Variants in INPPL1 observed in about 807,000 individuals in gnomAD.
INPPL1 encodes inositol polyphosphate phosphatase like 1.
Under a neutral mutation model 139.3 loss-of-function variants are expected in INPPL1, and 91 were observed. The observed-to-expected ratio is 0.65, with a 90% CI of 0.55 to 0.78. The LOEUF is 0.78. Ranked by LOEUF, INPPL1 falls within the 30% of genes least tolerant of loss-of-function variation. INPPL1 has a pLI of 0.00. For synonymous variants in INPPL1, 719 were observed against 686.6 expected, an observed-to-expected ratio of 1.05 and a Z score of -0.74; for missense variants, 1,411 against 1,665.6, an observed-to-expected ratio of 0.85 and a Z score of 2.66.
Position 72,228,146 on chromosome 11 carries a change from C to A in INPPL1, c.183-44C>A, listed in dbSNP as rs1266249857. ...AGGAAGGGGTGCTTTGGGTCTTAGA[C>A]CCCAGCCTGGGGGTGACAGATTCTG... On this transcript the variant is annotated intron_variant, in intron 1 of 27. Coordinates refer to ENST00000298229, the MANE Select transcript of INPPL1 (RefSeq NM_001567.4). This position sits in a 1 kb window ranked among gnomAD's most constrained non-coding sequence, Gnocchi z 5.0. 1 of 1,610,490 alleles carries A rather than the reference C, an allele frequency of 6.2e-7. No individual in the cohort carries two copies. The highest frequency in any genetic ancestry group is 1.3e-5 in the African/African-American group (1 of 74,820).
At position 72,238,554 on chromosome 11, in the gene INPPL1, T is replaced by G; in HGVS notation, c.*201T>G. On this transcript the variant is annotated 3_prime_UTR_variant, in exon 28 of 28. Coordinates refer to ENST00000298229, the MANE Select transcript of INPPL1 (RefSeq NM_001567.4). The stretch of plus-strand genomic sequence containing the variant: ...AATTAGGGCATCCTGCCCCTCGCCT[T>G]TTAGGCTCAGGACGGAAGGTCAGTT... 1 of 462,060 alleles carries G rather than the reference T, an allele frequency of 2.2e-6. No homozygotes were observed. The highest frequency in any genetic ancestry group is 3.6e-5 in the East Asian group (1 of 27,554). The allele number at this position is 462,060 out of a possible 1,614,324, so 28.6% of individuals were successfully genotyped here.
Position 72,235,811 on chromosome 11 carries a change from C to T in INPPL1, c.2739-35C>T. On this transcript the variant is annotated intron_variant, in intron 24 of 27. Coordinates refer to ENST00000298229, the MANE Select transcript of INPPL1 (RefSeq NM_001567.4). The surrounding 1 kb of genome is among the most constrained non-coding windows in gnomAD (Gnocchi z 4.9). ...AGGGTACCTGGGGGCATCTGGTCAA[C>T]CCCACTTCATCTCTCTCCTGTGCAT... 6.2e-7 allele frequency: 1 copy of T among 1,613,152 alleles called. No homozygotes were observed. Among genetic ancestry groups the T allele is most frequent in the Non-Finnish European group, 8.5e-7 (1 of 1,179,556 alleles).
rs1056949011 is a variant in INPPL1 at position 72,231,329 on chromosome 11, G to A, written c.1497+140G>A. ...CCTGAGCATATCCTTTGGGAGATCTGACCTGAGTCCTTCATGCCACGAGAG... is the reference window on the plus strand; with the variant it reads ...CCTGAGCATATCCTTTGGGAGATCTAACCTGAGTCCTTCATGCCACGAGAG... On this transcript the variant is annotated intron_variant, in intron 12 of 27. Transcript: ENST00000298229. 3.1e-6 allele frequency: 3 copies of A among 979,552 alleles called. No homozygotes were observed. In the African/African-American group the frequency reaches 4.8e-5, roughly 16 times the overall value. 60.7% of individuals were successfully genotyped at this position (979,552 alleles called of 1,614,324 possible).
In INPPL1 at chr11:72,229,455, T is replaced by A; in HGVS notation, c.660-10T>A. 1 of 1,613,456 alleles carries A rather than the reference T, an allele frequency of 6.2e-7. No individual in the cohort carries two copies. ...GGGTGGGAGTTCTTTTGATCTGATGTCTTCCCTAGTGAGGTGGACAAGGTC... is the reference window on the plus strand; with the variant it reads ...GGGTGGGAGTTCTTTTGATCTGATGACTTCCCTAGTGAGGTGGACAAGGTC... On this transcript the variant is annotated splice_polypyrimidine_tract_variant and intron_variant, in intron 5 of 27. Transcript: ENST00000298229.
Position 72,229,217 on chromosome 11 carries a change from C to A in INPPL1, c.646C>A (p.Arg216=). The A allele has an allele frequency of 6.2e-7, 1 of 1,609,860 alleles. No individual in the cohort carries two copies. The highest frequency in any genetic ancestry group is 8.5e-7 in the Non-Finnish European group (1 of 1,177,718). ...HLTRTLATSC[R]RLHSEVDKVL... ...CACCCGTACCCTCGCTACCTCATGC[C>A]GGAGGCTGCACAGGTATCTGGGACA... Residue 216 remains arginine (R), a synonymous_variant, in exon 5 of 28, where the codon CGG becomes AGG. Transcript: ENST00000298229.
Position 72,237,320 on chromosome 11 carries a change from C to A in INPPL1, c.3076C>A (p.Leu1026Ile). The change falls in exon 26 of 28, where the codon CTT (leucine) becomes ATT (isoleucine). Residue 1026 changes from leucine to isoleucine, a missense_variant. Coordinates refer to ENST00000298229, the MANE Select transcript of INPPL1 (RefSeq NM_001567.4). ...KVAITVPAPQ[L>I]GHHRHPRVGE... Reference sequence around the variant, plus strand: ...GGCCATTACAGTGCCTGCTCCACAGCTTGGGCACCACCGGCACCCTCGTGT... The same window carrying A: ...GGCCATTACAGTGCCTGCTCCACAGATTGGGCACCACCGGCACCCTCGTGT... The A allele has an allele frequency of 1.9e-6, 3 of 1,614,010 alleles. No individual in the cohort carries two copies. The highest frequency in any genetic ancestry group is 1.7e-6 in the Non-Finnish European group (2 of 1,180,010).
rs373971775 is a variant in INPPL1 at position 72,228,463 on chromosome 11, G to C, written c.362G>C (p.Arg121Pro). 30 of 1,610,232 alleles carry C rather than the reference G, an allele frequency of 1.9e-5. No individual in the cohort carries two copies. The highest frequency in any genetic ancestry group is 2.2e-5 in the Non-Finnish European group (26 of 1,179,986). ...CALLLPVEGE[R>P]EPDPPDDRDA... is the part of the protein sequence containing the mutation. Reference sequence around the variant, plus strand: ...CTGCTTCTTCCTGTAGAGGGTGAGCGAGAGCCGGACCCACCGGATGACCGG... The same window carrying C: ...CTGCTTCTTCCTGTAGAGGGTGAGCCAGAGCCGGACCCACCGGATGACCGG... Residue 121 changes from arginine to proline, a missense_variant, in exon 3 of 28, where the codon CGA (arginine) becomes CCA (proline). Physicochemically the swap from Arg to Pro is moderately radical, Grantham distance 103. Around this residue, in one of 5 missense-constraint regions of INPPL1, gnomAD observed 504 missense variants for 595.6 expected, o/e 0.85. Coordinates refer to ENST00000298229, the MANE Select transcript of INPPL1 (RefSeq NM_001567.4). This position sits in a 1 kb window ranked among gnomAD's most constrained non-coding sequence, Gnocchi z 5.0.
chr11:72,228,220 T>G lies in INPPL1; in HGVS notation c.213T>G (p.Ile71Met). ...AGAAGCATGTGCACACGTATCGCAT[T>G]CTGCCTGATGGAGAAGATTTCTTGG... ...LYQKHVHTYR[I>M]LPDGEDFLAV... Residue 71 changes from isoleucine to methionine, a missense_variant, in exon 2 of 28, where the codon ATT (isoleucine) becomes ATG (methionine). By Grantham distance (10) the Ile-to-Met change is conservative. Around this residue, in one of 5 missense-constraint regions of INPPL1, gnomAD observed 504 missense variants for 595.6 expected, o/e 0.85. Coordinates refer to ENST00000298229, the MANE Select transcript of INPPL1 (RefSeq NM_001567.4). The surrounding 1 kb of genome is among the most constrained non-coding windows in gnomAD (Gnocchi z 5.0). 6.2e-7 allele frequency: 1 copy of G among 1,614,124 alleles called. No individual in the cohort carries two copies. Among genetic ancestry groups the G allele is most frequent in the Non-Finnish European group, 8.5e-7 (1 of 1,179,982 alleles).
intron 10 of INPPL1, 43 bp downstream of exon 10, chr11:72,230,511 C>A: frequency 6.4e-7 from 1 of 1,565,310 alleles, no homozygotes; most frequent in South Asian, 1.1e-5. Context: ...CTGCGGGGGT[C>A]CCCCACATGG....
chr11:72,225,383 T>G (rs186598900), intron 1 of INPPL1: 6 of 985,244 alleles, frequency 6.1e-6, no homozygotes, highest in Non-Finnish European at 7.2e-6. Context: ...GCCTTGAGGG[T>G]AGAGAATATG....
At chr11:72,231,978 C>T (rs1948847154) in intron 13 of INPPL1, among the ~76,000 whole-genome samples, 1 of 152,198 alleles carries the variant, frequency 6.6e-6, no homozygotes, top group South Asian at 2.1e-4. Context: ...CTTTCAGCTT[C>T]ACCCTTGGGG....
In INPPL1 at chr11:72,238,297, G is replaced by A; in HGVS notation, c.3721G>A (p.Val1241Met). 3.1e-6 allele frequency: 5 copies of A among 1,603,684 alleles called. No homozygotes were observed. Among genetic ancestry groups the A allele is most frequent in the Non-Finnish European group, 4.3e-6 (5 of 1,175,746 alleles). The stretch of plus-strand genomic sequence containing the variant: ...CGAGGAGGACTTGGAGGAGGCTGGG[G>A]TGCAGGACCCGGCTCACAAGCGCCT... Reference protein sequence around the residue: ...ITEEDLEEAGVQDPAHKRLLL... With the variant: ...ITEEDLEEAGMQDPAHKRLLL... The change falls in exon 28 of 28, where the codon GTG (valine) becomes ATG (methionine). Residue 1241 changes from valine (V) to methionine (M), a missense_variant. Physicochemically the swap from Val to Met is conservative, Grantham distance 21. This residue lies in a region of INPPL1 where 438 missense variants were observed against 425.7 expected (regional missense o/e 1.03). Coordinates refer to ENST00000298229, the MANE Select transcript of INPPL1 (RefSeq NM_001567.4).
Position 72,228,517 on chromosome 11 carries a change from G to C in INPPL1, c.397+19G>C. On this transcript the variant is annotated intron_variant, in intron 3 of 27. Coordinates refer to ENST00000298229, the MANE Select transcript of INPPL1 (RefSeq NM_001567.4). The surrounding 1 kb of genome is among the most constrained non-coding windows in gnomAD (Gnocchi z 5.0). ...GCCTCAGGTACTTCCCAGTGTGCAG[G>C]TCCCCTCCCTGCCCCTGTCCCTTGG... 6.2e-7 allele frequency: 1 copy of C among 1,602,276 alleles called. No individual in the cohort carries two copies. The highest frequency in any genetic ancestry group is 8.5e-7 in the Non-Finnish European group (1 of 1,179,540).
intron 19 of INPPL1, 92 bp downstream of exon 19, chr11:72,233,836 G>C: frequency 1.1e-6 from 1 of 918,048 alleles, no homozygotes; most frequent in Non-Finnish European, 1.8e-6. Context: ...CTATGTAAGT[G>C]TGTGTGTGGG....
chr11:72,235,932 G>A lies in INPPL1; in HGVS notation c.2825G>A (p.Gly942Glu). The A allele has an allele frequency of 6.2e-7, 1 of 1,612,666 alleles. No individual in the cohort carries two copies. Among genetic ancestry groups the A allele is most frequent in the Non-Finnish European group, 8.5e-7 (1 of 1,179,630 alleles). The change falls in exon 25 of 28, where the codon GGG (glycine) becomes GAG (glutamate). Residue 942 changes from glycine (G) to glutamate (E), a missense_variant. Transcript: ENST00000298229. This position sits in a 1 kb window ranked among gnomAD's most constrained non-coding sequence, Gnocchi z 4.9. ...GAACCAGAGAAACCGCCACCAACGGGGAGGCCCCCAGCCCCACCCCGAGCA... is the reference window on the plus strand; with the variant it reads ...GAACCAGAGAAACCGCCACCAACGGAGAGGCCCCCAGCCCCACCCCGAGCA... ...FEEPEKPPPT[G>E]RPPAPPRAAP...
In INPPL1 at chr11:72,228,323, T is replaced by G. The variant is rs1948731061; in HGVS notation, c.247-25T>G. On this transcript the variant is annotated intron_variant, in intron 2 of 27. Coordinates refer to ENST00000298229, the MANE Select transcript of INPPL1 (RefSeq NM_001567.4). The surrounding 1 kb of genome is among the most constrained non-coding windows in gnomAD (Gnocchi z 5.0). ...GCTTGGGGACCTGCTGGCTGACCCT[T>G]CCTCCCACCCTTGCTGGCCCACAGA... The G allele has an allele frequency of 1.2e-6, 2 of 1,613,806 alleles. No individual in the cohort carries two copies. Among genetic ancestry groups the G allele is most frequent in the African/African-American group, 2.7e-5 (2 of 74,896 alleles).
chr11:72,235,023 G>A lies in INPPL1; in HGVS notation c.2416-93G>A, dbSNP rs1203118032. 6.1e-6 allele frequency: 6 copies of A among 975,830 alleles called. No individual in the cohort carries two copies. In the African/African-American group the frequency reaches 6.5e-5, roughly 11 times the overall value. 60.4% of individuals were successfully genotyped at this position (975,830 alleles called of 1,614,324 possible). ...TGTGAGTGAGCACAGATGACCTGAG[G>A]GTGGGGATTGAGTGGTGTCAGGGGG... On this transcript the variant is annotated intron_variant, in intron 21 of 27. Transcript: ENST00000298229. The surrounding 1 kb of genome is among the most constrained non-coding windows in gnomAD (Gnocchi z 4.9).
chr11:72,236,418 A>G (rs1028714590), intron 25 of INPPL1, among the ~76,000 whole-genome samples: 8 of 152,196 alleles, frequency 5.3e-5, no homozygotes, highest in African/African-American at 1.9e-4. Flanking sequence ...CTTTTCTTAG[A>G]CATTCCCAGT....
chr11:72,238,351 T>C lies in INPPL1; in HGVS notation c.3775T>C (p.Ter1259ArgextTer1). ...TCTGGACACCCTGCAGCTCAGCAAG[T>C]GATAGCGGAGGCACCACGAAGCTGT... ...LLLDTLQLSK[*>R] The change falls in exon 28 of 28, where the codon TGA becomes CGA. Residue 1259 changes from the stop codon to arginine, a stop_lost. Coordinates refer to ENST00000298229, the MANE Select transcript of INPPL1 (RefSeq NM_001567.4). 1 of 1,543,798 alleles carries C rather than the reference T, an allele frequency of 6.5e-7. No individual in the cohort carries two copies.
Sources: allele counts gnomAD v4.1 joint callset (sites outside exome capture counted in the v4.1 genomes callset), GRCh38; gene constraint gnomAD v4.1.1; regional missense constraint gnomAD v4.1.1; non-coding constraint Gnocchi (gnomAD v3.1); transcripts MANE v1.5; gene names NCBI Gene and HGNC (gene_info 2026-07-23, HGNC 2026-07-21).